The following RANBP3 variants were observed in gnomAD, a reference collection of about 807,000 sequenced individuals.
RANBP3 encodes RAN binding protein 3.
RANBP3 carries 14 observed loss-of-function variants against 77.3 expected under a neutral mutation model. The observed-to-expected ratio is 0.18, with a 90% CI of 0.12 to 0.28. The LOEUF (loss-of-function observed/expected upper bound fraction) is 0.28. RANBP3 is among the 10% of genes least tolerant of loss of function. The pLI is 1.00. For synonymous variants in RANBP3, 315 were observed against 312.4 expected, an observed-to-expected ratio of 1.01 and a Z score of -0.09; for missense variants, 586 against 752.3, an observed-to-expected ratio of 0.78 and a Z score of 2.59.
At chr19:5,954,808 T>C (rs955443106) in intron 2 of RANBP3, among the ~76,000 whole-genome samples, 14 of 152,182 alleles carry the variant, frequency 9.2e-5, no homozygotes, top group African/African-American at 2.9e-4. Flanking sequence ...CTGCAGGCCC[T>C]GAACCAGAAA....
In RANBP3 at chr19:5,917,595, C is replaced by T; in HGVS notation, c.*15G>A. The T allele has an allele frequency of 6.3e-7, 1 of 1,585,632 alleles. No individual in the cohort carries two copies. Among genetic ancestry groups the T allele is most frequent in the Non-Finnish European group, 8.5e-7 (1 of 1,170,338 alleles). On this transcript the variant is annotated 3_prime_UTR_variant, in exon 17 of 17. Transcript: ENST00000340578. ...GACAAAGCAGCAGCCTGGTGTGCAG[C>T]CGGGCTCCCGGCCGCTATGTGCTCC...
chr19:5,973,147 T>G (rs2058549829), intron 1 of RANBP3, among the ~76,000 whole-genome samples: 1 of 152,184 alleles, frequency 6.6e-6, no homozygotes, highest in Non-Finnish European at 1.5e-5. Context: ...AGAATTAGTT[T>G]TTATAATAAA....
At position 5,924,929 on chromosome 19, in the gene RANBP3, T is replaced by A; in HGVS notation, c.918-24A>T. The A allele has an allele frequency of 3.7e-6, 6 of 1,603,596 alleles. No homozygotes were observed. The highest frequency in any genetic ancestry group is 5.1e-6 in the Non-Finnish European group (6 of 1,170,524). On this transcript the variant is annotated intron_variant, in intron 10 of 16. Transcript: ENST00000340578. This position sits in a 1 kb window ranked among gnomAD's most constrained non-coding sequence, Gnocchi z 4.7. ...AACTGAAGAGAAGATGTGCAATGAG[T>A]GTGGGGCGTCACGTGGGAACGTGGC...
At chr19:5,918,771 C>T in intron 14 of RANBP3, 133 bp from the exon 15 acceptor site, 1 of 1,164,812 alleles carries the variant, frequency 8.6e-7, no homozygotes, top group Non-Finnish European at 1.2e-6. Context: ...CCAGGACCCA[C>T]CCACAGAGCA....
At chr19:5,977,972 G>T in intron 1 of RANBP3, 89 bp downstream of exon 1, 1 of 1,542,458 alleles carries the variant, frequency 6.5e-7, no homozygotes. Flanking sequence ...CTTGCACTCT[G>T]CGGTGCTCCC....
intron 2 of RANBP3, among the ~76,000 whole-genome samples, chr19:5,957,679 A>T (rs1356664263): frequency 6.6e-6 from 1 of 151,996 alleles, no homozygotes; most frequent in Non-Finnish European, 1.5e-5. Context: ...TACCGTTTCA[A>T]CAAACTGTAC....
Position 5,923,923 on chromosome 19 carries a change from A to T in RANBP3, c.997-9T>A. On this transcript the variant is annotated splice_polypyrimidine_tract_variant and intron_variant, in intron 11 of 16. Coordinates refer to ENST00000340578, the MANE Select transcript of RANBP3 (RefSeq NM_007322.3). ...TTTAATTTTGGGGGGCTCTGCAGGG[A>T]CACAAAAGCATACAAGGAAGAGGGC... The T allele has an allele frequency of 2.5e-6, 4 of 1,604,520 alleles. No individual in the cohort carries two copies. The highest frequency in any genetic ancestry group is 2.6e-6 in the Non-Finnish European group (3 of 1,171,360).
rs1422290770 is a variant in RANBP3 at position 5,952,648 on chromosome 19, G to A, written c.79-1052C>T. On this transcript the variant is annotated intron_variant, in intron 2 of 16. Transcript: ENST00000340578. This position sits in a 1 kb window ranked among gnomAD's most constrained non-coding sequence, Gnocchi z 4.1. Reference sequence around the variant, plus strand: ...CGTGGACGTGGCTGTGCTTCTTCTTGGGTGTGAAGTGGCTGACCTCTTTAG... The same window carrying A: ...CGTGGACGTGGCTGTGCTTCTTCTTAGGTGTGAAGTGGCTGACCTCTTTAG... Among the ~76,000 whole-genome samples, 2 of 152,182 alleles carry A rather than the reference G, an allele frequency of 1.3e-5. No individual in the cohort carries two copies. Among genetic ancestry groups the A allele is most frequent in the Non-Finnish European group, 2.9e-5 (2 of 68,034 alleles).
chr19:5,948,021 C>T (rs1267223640), intron 3 of RANBP3, among the ~76,000 whole-genome samples: 1 of 152,086 alleles, frequency 6.6e-6, no homozygotes. Context: ...GGTGCCAAGG[C>T]GGCCCAGGGA....
chr19:5,951,265 A>G, intron 3 of RANBP3, 128 bp downstream of exon 3: 1 of 890,916 alleles, frequency 1.1e-6, no homozygotes, highest in Non-Finnish European at 1.8e-6. Flanking sequence ...AATCCTTGTC[A>G]TCTTTTAAGT....
chr19:5,935,576 C>T (rs1372139525), intron 5 of RANBP3: 1 of 355,274 alleles, frequency 2.8e-6, no homozygotes, highest in Non-Finnish European at 5.7e-6. Flanking sequence ...GACTACTGCC[C>T]TTCCACACTC....
In RANBP3 at chr19:5,965,839, A is replaced by G. The variant is rs377202244; in HGVS notation, c.23-7866T>C. On this transcript the variant is annotated intron_variant, in intron 1 of 16. Transcript: ENST00000340578. ...TCATATACGTGGCCAGCGTTCTTCGAGCACTTCTTTATGTGTTAGGTTTTA... is the reference window on the plus strand; with the variant it reads ...TCATATACGTGGCCAGCGTTCTTCGGGCACTTCTTTATGTGTTAGGTTTTA... 7 of 152,326 alleles carry G rather than the reference A, an allele frequency of 4.6e-5. No homozygotes were observed. In the East Asian group the frequency reaches 7.7e-4, roughly 17 times the overall value. 9.4% of individuals were successfully genotyped at this position (152,326 alleles called of 1,614,324 possible).
At chr19:5,926,962 A>G (rs1251720368) in intron 9 of RANBP3, among the ~76,000 whole-genome samples, 1 of 152,142 alleles carries the variant, frequency 6.6e-6, no homozygotes, top group African/African-American at 2.4e-5. Flanking sequence ...CACTACTGAC[A>G]TGTTGACACT....
At chr19:5,937,896 C>T (rs2058086979) in intron 5 of RANBP3, among the ~76,000 whole-genome samples, 1 of 152,116 alleles carries the variant, frequency 6.6e-6, no homozygotes, top group Non-Finnish European at 1.5e-5. Flanking sequence ...AGACACACGG[C>T]TTTAGTAACT....
chr19:5,960,739 T>A (rs555173300), intron 1 of RANBP3, among the ~76,000 whole-genome samples: 8 of 152,242 alleles, frequency 5.3e-5, no homozygotes, highest in Non-Finnish European at 1.0e-4. Context: ...GATCTGCAGG[T>A]GCACGGAAGG....
intron 9 of RANBP3, among the ~76,000 whole-genome samples, chr19:5,927,030 C>T (rs1407886723): frequency 6.6e-6 from 1 of 152,166 alleles, no homozygotes; most frequent in Non-Finnish European, 1.5e-5. Flanking sequence ...GGCGGAGTGG[C>T]ATCCCTGACC....
At chr19:5,967,388 C>T (rs577170426) in intron 1 of RANBP3, among the ~76,000 whole-genome samples, 2 of 152,304 alleles carry the variant, frequency 1.3e-5, no homozygotes, top group African/African-American at 4.8e-5. Flanking sequence ...AACTTCCAAC[C>T]ACTCTCATCT....
At chr19:5,925,613 C>T (rs370335782) in intron 10 of RANBP3, 21 bp downstream of exon 10, 124 of 1,609,172 alleles carry the variant, frequency 7.7e-5, no homozygotes, top group Middle Eastern at 1.7e-4. Context: ...CCAGGCTGGC[C>T]GCTGACACCG....
chr19:5,924,765 T>G lies in RANBP3; in HGVS notation c.996+62A>C. 6.6e-7 allele frequency: 1 copy of G among 1,511,098 alleles called. No homozygotes were observed. Among genetic ancestry groups the G allele is most frequent in the East Asian group, 2.3e-5 (1 of 44,376 alleles). The allele number at this position is 1,511,098 out of a possible 1,614,324, so 93.6% of individuals were successfully genotyped here. A position where few individuals can be genotyped will look rare whatever the true frequency, so the allele number is the denominator to read the frequency against. On this transcript the variant is annotated intron_variant, in intron 11 of 16. Coordinates refer to ENST00000340578, the MANE Select transcript of RANBP3 (RefSeq NM_007322.3). The surrounding 1 kb of genome is among the most constrained non-coding windows in gnomAD (Gnocchi z 4.7). ...AGCAGCCCTGCTCTCCATGTCCCCTTGACCTGTGGCTGGCGCCGAGAGCCT... is the reference window on the plus strand; with the variant it reads ...AGCAGCCCTGCTCTCCATGTCCCCTGGACCTGTGGCTGGCGCCGAGAGCCT...
Sources: allele counts gnomAD v4.1 joint callset (sites outside exome capture counted in the v4.1 genomes callset), GRCh38; gene constraint gnomAD v4.1.1; non-coding constraint Gnocchi (gnomAD v3.1); transcripts MANE v1.5; gene names NCBI Gene and HGNC (gene_info 2026-07-23, HGNC 2026-07-21).